SGCZ: variants seen among roughly 807,000 people sequenced by gnomAD.
SGCZ encodes the protein sarcoglycan zeta, also known as zeta-sarcoglycan.
Under a neutral mutation model 41.3 loss-of-function variants are expected in SGCZ, and 40 were observed. That is an observed-to-expected ratio of 0.97 (90% CI 0.75 to 1.26). The LOEUF is 1.26. Among genes scored for constraint, SGCZ ranks in the 50% most tolerant of loss-of-function variants. The probability of loss-of-function intolerance (pLI) is 0.00; values close to 1 mark genes in which losing one functional copy is unlikely to be tolerated. For missense variants in SGCZ, 552 were observed against 369.8 expected (o/e 1.49, Z -4.04); for synonymous variants, 206 against 137.5 (o/e 1.50, Z -3.49).
chr8:14,323,730 T>A (rs769858836), intron 3 of SGCZ, among the ~76,000 whole-genome samples: 2 of 152,126 alleles, frequency 1.3e-5, no homozygotes, highest in Non-Finnish European at 2.9e-5. Context: ...ATCAGATACA[T>A]AGTATGTTGA....
intron 1 of SGCZ, among the ~76,000 whole-genome samples, chr8:14,766,643 T>C (rs1001291167): frequency 6.6e-6 from 1 of 151,718 alleles, no homozygotes; most frequent in Admixed American, 6.6e-5. Context: ...CTCACTGCAA[T>C]TTCCACCTCC....
chr8:14,272,220 T>C (rs1896210), intron 3 of SGCZ, among the ~76,000 whole-genome samples: 37,142 of 152,058 alleles, frequency 0.24, 5,310 homozygotes, highest in South Asian at 0.45. Context: ...CCCAGGCTGG[T>C]CTCTAACTCC....
intron 1 of SGCZ, among the ~76,000 whole-genome samples, chr8:15,123,800 C>T (rs1807572461): frequency 1.3e-5 from 2 of 152,128 alleles, no homozygotes; most frequent in South Asian, 4.1e-4. Flanking sequence ...ACCGTAAGTA[C>T]ACTGAAACAA....
intron 1 of SGCZ, among the ~76,000 whole-genome samples, chr8:14,959,936 A>G (rs1043006623): frequency 1.3e-5 from 2 of 152,152 alleles, no homozygotes; most frequent in African/African-American, 4.8e-5. Context: ...ACTGATTACC[A>G]TGGGGCTGAG....
At chr8:14,344,051 A>G (rs1186009185) in intron 2 of SGCZ, among the ~76,000 whole-genome samples, 1 of 152,196 alleles carries the variant, frequency 6.6e-6, no homozygotes, top group East Asian at 1.9e-4. Context: ...AAATTCCAGA[A>G]ATGAACAATT....
At chr8:15,132,321 C>T (rs968586748) in intron 1 of SGCZ, among the ~76,000 whole-genome samples, 3 of 152,160 alleles carry the variant, frequency 2.0e-5, no homozygotes, top group African/African-American at 7.2e-5. Context: ...GCCGGTTTGC[C>T]TGAGTCCACT....
intron 2 of SGCZ, among the ~76,000 whole-genome samples, chr8:14,513,859 C>T (rs1013126235): frequency 6.6e-6 from 1 of 151,956 alleles, no homozygotes; most frequent in African/African-American, 2.4e-5. Context: ...ACATTTGTAA[C>T]TACTCTCTGT....
intron 2 of SGCZ, among the ~76,000 whole-genome samples, chr8:14,454,812 C>T (rs975552730): frequency 2.6e-5 from 4 of 152,060 alleles, no homozygotes; most frequent in Admixed American, 1.3e-4. Flanking sequence ...GGTGCTGGAG[C>T]AACTAAGTAG....
chr8:14,290,651 G>A (rs1800808786), intron 3 of SGCZ, among the ~76,000 whole-genome samples: 1 of 152,082 alleles, frequency 6.6e-6, no homozygotes, highest in South Asian at 2.1e-4. Flanking sequence ...CCTCACTCAA[G>A]TATGAGTGGC....
At chr8:14,462,661 C>A (rs1800934893) in intron 2 of SGCZ, among the ~76,000 whole-genome samples, 1 of 151,914 alleles carries the variant, frequency 6.6e-6, no homozygotes, top group South Asian at 2.1e-4. Context: ...TGAACGCTTC[C>A]ACTTTGTTCT....
At chr8:15,099,609 T>C (rs1197895787) in intron 1 of SGCZ, among the ~76,000 whole-genome samples, 3 of 152,088 alleles carry the variant, frequency 2.0e-5, no homozygotes, top group Admixed American at 2.0e-4. Context: ...CATAACTAAG[T>C]CATTCTATGA....
chr8:14,654,110 T>C (rs775946659), intron 1 of SGCZ, among the ~76,000 whole-genome samples: 3 of 151,482 alleles, frequency 2.0e-5, no homozygotes, highest in South Asian at 2.1e-4. Context: ...AACTTTTGCA[T>C]ATATATATAT....
chr8:14,454,508 G>A (rs1041035732), intron 2 of SGCZ, among the ~76,000 whole-genome samples: 1 of 151,974 alleles, frequency 6.6e-6, no homozygotes, highest in Admixed American at 6.6e-5. Flanking sequence ...ACCAATACCA[G>A]TAAAATACCA....
chr8:14,130,741 T>A (rs73217958), intron 5 of SGCZ, among the ~76,000 whole-genome samples: 16,212 of 152,190 alleles, frequency 0.11, 972 homozygotes, highest in Middle Eastern at 0.2. Context: ...GATGCTTGCA[T>A]AGGTAAATGC....
chr8:14,456,361 C>T (rs1432826214), intron 2 of SGCZ, among the ~76,000 whole-genome samples: 1 of 152,122 alleles, frequency 6.6e-6, no homozygotes, highest in Non-Finnish European at 1.5e-5. Context: ...AGAGCCAAGA[C>T]TGCACCATTG....
intron 1 of SGCZ, among the ~76,000 whole-genome samples, chr8:14,806,166 A>C (rs2130519991): frequency 1.3e-5 from 2 of 152,300 alleles, no homozygotes; most frequent in Middle Eastern, 6.8e-3. Context: ...TCACAATAAA[A>C]GGAACTAGAA....
At chr8:14,612,973 A>G (rs565399324) in intron 1 of SGCZ, among the ~76,000 whole-genome samples, 1 of 152,302 alleles carries the variant, frequency 6.6e-6, no homozygotes, top group Non-Finnish European at 1.5e-5. Flanking sequence ...GGCGTGAGCC[A>G]CCATGCCCAG....
chr8:14,420,473 A>T (rs558415159), intron 2 of SGCZ, among the ~76,000 whole-genome samples: 1 of 152,044 alleles, frequency 6.6e-6, no homozygotes, highest in South Asian at 2.1e-4. Context: ...GTTGTTCGGT[A>T]TTGCATTCTA....
At chr8:14,280,144 T>C (rs1178018596) in intron 3 of SGCZ, among the ~76,000 whole-genome samples, 1 of 151,958 alleles carries the variant, frequency 6.6e-6, no homozygotes, top group African/African-American at 2.4e-5. Flanking sequence ...GAAAACTGTA[T>C]ACAGAATCTT....
Sources: allele counts gnomAD v4.1 joint callset (sites outside exome capture counted in the v4.1 genomes callset), GRCh38; gene constraint gnomAD v4.1.1; transcripts MANE v1.5; gene names NCBI Gene and HGNC (gene_info 2026-07-23, HGNC 2026-07-21).